Variants in CFAP299 observed in about 807,000 individuals in gnomAD.
CFAP299 encodes the protein cilia and flagella associated protein 299, also known as cilia- and flagella-associated protein 299.
CFAP299 carries 21 observed loss-of-function variants against 27.0 expected under a neutral mutation model. That is an observed-to-expected ratio of 0.78 (90% confidence interval 0.55 to 1.12). The LOEUF (loss-of-function observed/expected upper bound fraction) is 1.12, where lower values mean the gene tolerates loss of function less well. CFAP299 is among the 50% of genes most tolerant of loss of function. The pLI, the probability that CFAP299 is intolerant of heterozygous loss-of-function variation, is 0.00. For missense variants in CFAP299, 310 were observed against 276.6 expected (o/e 1.12, Z -0.86); for synonymous variants, 104 against 98.1 (o/e 1.06, Z -0.36).
At chr4:80,619,340 C>T (rs1194754415) in intron 3 of CFAP299, among the ~76,000 whole-genome samples, 1 of 152,124 alleles carries the variant, frequency 6.6e-6, no homozygotes, top group Non-Finnish European at 1.5e-5. Context: ...TTCTCTTCAG[C>T]GTTGACATTC....
chr4:80,400,725 T>C (rs1726108897), intron 2 of CFAP299, among the ~76,000 whole-genome samples: 1 of 152,124 alleles, frequency 6.6e-6, no homozygotes, highest in Non-Finnish European at 1.5e-5. Context: ...AAGTTGGGCG[T>C]TGCTGAATAG....
chr4:80,429,730 A>G (rs915864691), intron 2 of CFAP299, among the ~76,000 whole-genome samples: 2 of 152,184 alleles, frequency 1.3e-5, no homozygotes, highest in East Asian at 1.9e-4. Flanking sequence ...TGTAATCATA[A>G]CTATGATTCT....
chr4:80,746,326 T>G (rs1270015381), intron 3 of CFAP299, among the ~76,000 whole-genome samples: 1 of 152,082 alleles, frequency 6.6e-6, no homozygotes, highest in Non-Finnish European at 1.5e-5. Flanking sequence ...TTTTTAAAAC[T>G]ATTATTACAT....
At chr4:80,376,763 T>C (rs1313367938) in intron 2 of CFAP299, among the ~76,000 whole-genome samples, 1 of 152,188 alleles carries the variant, frequency 6.6e-6, no homozygotes, top group African/African-American at 2.4e-5. Flanking sequence ...GAAACGATCC[T>C]CCTGCCTCAG....
At chr4:80,746,852 A>C (rs950231825) in intron 3 of CFAP299, among the ~76,000 whole-genome samples, 1 of 152,096 alleles carries the variant, frequency 6.6e-6, no homozygotes, top group African/African-American at 2.4e-5. Flanking sequence ...AATCAAGCTC[A>C]TTCAAAGCTT....
At chr4:80,325,021 G>A in the CFAP299 span, among the ~76,000 whole-genome samples, 1 of 152,232 alleles carries the variant, frequency 6.6e-6, no homozygotes, top group Admixed American at 6.5e-5. Flanking sequence ...TACTCAGTAG[G>A]CTGAGGCAGG....
chr4:80,890,575 C>T (rs1388143239), intron 4 of CFAP299, among the ~76,000 whole-genome samples: 1 of 150,136 alleles, frequency 6.7e-6, no homozygotes, highest in African/African-American at 2.5e-5. Flanking sequence ...GGTATATACC[C>T]AGTAATGGGA....
intron 3 of CFAP299, among the ~76,000 whole-genome samples, chr4:80,800,220 A>G (rs1176003807): frequency 1.4e-5 from 1 of 73,976 alleles, no homozygotes; most frequent in Non-Finnish European, 2.3e-5. Context: ...AATATATATT[A>G]TAATATATAA....
intron 2 of CFAP299, among the ~76,000 whole-genome samples, chr4:80,514,141 G>A (rs1732459442): frequency 6.6e-6 from 1 of 151,846 alleles, no homozygotes; most frequent in Non-Finnish European, 1.5e-5. Context: ...TCCTTTCATG[G>A]TCAAAGAGAT....
intron 1 of CFAP299, among the ~76,000 whole-genome samples, chr4:80,361,763 T>G (rs2109997322): frequency 6.6e-6 from 1 of 152,328 alleles, no homozygotes; most frequent in African/African-American, 2.4e-5. Flanking sequence ...TACTTACAAC[T>G]TTAACCACTA....
At chr4:80,775,452 G>A (rs1726481256) in intron 3 of CFAP299, among the ~76,000 whole-genome samples, 1 of 151,658 alleles carries the variant, frequency 6.6e-6, no homozygotes, top group Non-Finnish European at 1.5e-5. Context: ...TTATGACTAG[G>A]TCTCTTCTAT....
chr4:80,552,690 T>C (rs1201503655), intron 2 of CFAP299, among the ~76,000 whole-genome samples: 2 of 152,100 alleles, frequency 1.3e-5, no homozygotes, highest in Non-Finnish European at 2.9e-5. Context: ...CACCAGTAGT[T>C]TGGGGTTTCT....
chr4:80,909,509 T>C (rs1237335463), intron 4 of CFAP299, among the ~76,000 whole-genome samples: 1 of 151,990 alleles, frequency 6.6e-6, no homozygotes, highest in Admixed American at 6.6e-5. Context: ...AAATATGATA[T>C]GCAATGAATG....
At chr4:80,853,965 G>T (rs1731679253) in intron 3 of CFAP299, among the ~76,000 whole-genome samples, 1 of 152,140 alleles carries the variant, frequency 6.6e-6, no homozygotes, top group Non-Finnish European at 1.5e-5. Flanking sequence ...AGAGTAAAAA[G>T]TGATAATTAA....
chr4:80,398,809 G>T (rs1341303785), intron 2 of CFAP299, among the ~76,000 whole-genome samples: 3 of 152,130 alleles, frequency 2.0e-5, no homozygotes, highest in Non-Finnish European at 2.9e-5. Flanking sequence ...AACACCGAAA[G>T]CAATGACAAC....
chr4:80,601,088 TAGAG>T (rs1214146292), intron 3 of CFAP299, among the ~76,000 whole-genome samples: 1 of 152,134 alleles, frequency 6.6e-6, no homozygotes, highest in Non-Finnish European at 1.5e-5. Flanking sequence ...CCCAGATGGT[TAGAG>T]AGAAGAATCA....
chr4:80,366,214 G>GA (rs1279014801), intron 2 of CFAP299, among the ~76,000 whole-genome samples: 1 of 152,174 alleles, frequency 6.6e-6, no homozygotes, highest in Non-Finnish European at 1.5e-5. Context: ...TGGCAACTTG[G>GA]AAACACTTGG....
intron 2 of CFAP299, among the ~76,000 whole-genome samples, chr4:80,516,226 G>T (rs1732582895): frequency 6.6e-6 from 1 of 151,746 alleles, no homozygotes; most frequent in African/African-American, 2.4e-5. Context: ...TCACTGTGTT[G>T]GTCAGGTTGG....
intron 3 of CFAP299, among the ~76,000 whole-genome samples, chr4:80,608,874 T>C (rs1737819206): frequency 6.6e-6 from 1 of 151,610 alleles, no homozygotes. Context: ...TGTGTGTGTG[T>C]GTGTGTGTGT....
Sources: gnomAD v4.1 joint callset for allele counts (sites outside exome capture counted in the v4.1 genomes callset) on GRCh38, gnomAD v4.1.1 for gene constraint, MANE v1.5 for transcripts, NCBI Gene and HGNC (gene_info 2026-07-23, HGNC 2026-07-21) for gene names.